MED13: variants seen among roughly 807,000 people sequenced by gnomAD.
MED13 encodes mediator complex subunit 13.
MED13 carries 23 observed loss-of-function variants against 225.2 expected under a neutral mutation model. The ratio of observed to expected loss-of-function variants is 0.10; its 90% CI spans 0.07 to 0.14. MED13 has a LOEUF of 0.14. Among genes scored for constraint, MED13 ranks in the 10% least tolerant of loss-of-function variants. The probability of loss-of-function intolerance (pLI) is 1.00; values close to 1 mark genes in which losing one functional copy is unlikely to be tolerated. For synonymous variants in MED13, 942 were observed against 889.2 expected (o/e 1.06, Z -1.06); for missense variants, 2,197 against 2,594.5 (o/e 0.85, Z 3.33).
At chr17:61,993,705 G>A (rs999969969) in intron 10 of MED13, among the ~76,000 whole-genome samples, 15 of 151,690 alleles carry the variant, frequency 9.9e-5, no homozygotes, top group African/African-American at 2.7e-4. Context: ...CGAGGCGGGC[G>A]GATCACTTGA....
chr17:62,052,059 G>A (rs1322597126), intron 3 of MED13, among the ~76,000 whole-genome samples: 3 of 151,974 alleles, frequency 2.0e-5, no homozygotes, highest in African/African-American at 7.3e-5. Flanking sequence ...AAGAGTAAAT[G>A]GTCTTATATA....
chr17:62,037,725 C>T (rs987711187), intron 3 of MED13, among the ~76,000 whole-genome samples: 9 of 149,298 alleles, frequency 6.0e-5, no homozygotes, highest in South Asian at 2.1e-4. Context: ...GAGGGCAAGG[C>T]AGGTGGATCG....
chr17:61,972,709 T>A lies in MED13; in HGVS notation c.3967+18A>T, dbSNP rs370588086. Reference sequence around the variant, plus strand: ...CTGATATAAAATTAGTCATTATATATCACTATAAATTACTTACCATAAGAG... The same window carrying A: ...CTGATATAAAATTAGTCATTATATAACACTATAAATTACTTACCATAAGAG... On this transcript the variant is annotated intron_variant, in intron 17 of 29. Coordinates refer to ENST00000397786, the MANE Select transcript of MED13 (RefSeq NM_005121.3). The A allele has an allele frequency of 9.5e-6, 15 of 1,584,748 alleles. No individual in the cohort carries two copies. The highest frequency in any genetic ancestry group is 3.8e-5 in the Admixed American group (2 of 52,484).
intron 29 of MED13, 138 bp downstream of exon 29, chr17:61,946,779 T>G (rs1476311299): frequency 9.3e-7 from 1 of 1,076,920 alleles, no homozygotes; most frequent in Non-Finnish European, 1.4e-6. Context: ...TTACTCAAGT[T>G]AGAATAGCAG....
chr17:61,991,429 T>C (rs770729420), intron 11 of MED13, among the ~76,000 whole-genome samples: 5 of 152,144 alleles, frequency 3.3e-5, no homozygotes, highest in African/African-American at 1.2e-4. Flanking sequence ...AACCTCTGCC[T>C]CCTGGGTTCA....
intron 17 of MED13, among the ~76,000 whole-genome samples, chr17:61,969,476 G>A (rs933662673): frequency 1.3e-5 from 2 of 151,990 alleles, no homozygotes; most frequent in African/African-American, 4.8e-5. Context: ...AGGAGTTTGA[G>A]GCCTAGGCAA....
At chr17:61,978,244 C>T (rs2080173519) in intron 16 of MED13, among the ~76,000 whole-genome samples, 1 of 150,938 alleles carries the variant, frequency 6.6e-6, no homozygotes, top group South Asian at 2.1e-4. Flanking sequence ...TCCAAAACTG[C>T]TTTTTATTTT....
rs1194958695 is a variant in MED13, at chr17:62,063,205, T to C, written c.163A>G (p.Ser55Gly). Residue 55 changes from serine to glycine, a missense_variant, in exon 2 of 30, where the codon AGC becomes GGC. By Grantham distance (56) the Ser-to-Gly change is moderately conservative. Transcript: ENST00000397786. ...FPVTEEDPIL[S>G]SFSRCLKADV... ...GCCTTAAGGCAGCGACTAAAACTGC[T>C]CAAAATGGGGTCTTCTTCTGTCACA... 30 of 1,613,996 alleles carry C rather than the reference T, an allele frequency of 1.9e-5. No homozygotes were observed. Among genetic ancestry groups the C allele is most frequent in the Admixed American group, 8.3e-5 (5 of 59,996 alleles).
At chr17:62,063,408 A>T (rs1445446442) in intron 1 of MED13, 107 bp from the exon 2 acceptor site, 2 of 711,494 alleles carry the variant, frequency 2.8e-6, no homozygotes, top group Admixed American at 5.7e-5. Flanking sequence ...TTTTCAATGT[A>T]TGCTTGAGAT....
At chr17:62,006,715 T>C (rs1311464325) in intron 9 of MED13, 2 of 150,540 alleles carry the variant, frequency 1.3e-5, no homozygotes, top group Non-Finnish European at 2.9e-5. Flanking sequence ...TCACTTGAGG[T>C]AAGGAGTTCG....
At chr17:62,041,144 C>T (rs2080849028) in intron 3 of MED13, among the ~76,000 whole-genome samples, 1 of 152,152 alleles carries the variant, frequency 6.6e-6, no homozygotes, top group African/African-American at 2.4e-5. Flanking sequence ...ATACCATTTA[C>T]AGATTAATAC....
intron 8 of MED13, among the ~76,000 whole-genome samples, chr17:62,012,817 C>T (rs1292896317): frequency 1.3e-5 from 2 of 150,262 alleles, no homozygotes; most frequent in Admixed American, 6.6e-5. Context: ...TTTTTGAGAC[C>T]GAGTCTCACT....
intron 3 of MED13, among the ~76,000 whole-genome samples, chr17:62,045,978 G>T (rs1271628035): frequency 6.6e-6 from 1 of 152,100 alleles, no homozygotes; most frequent in Admixed American, 6.6e-5. Flanking sequence ...AGATAAAAAG[G>T]TAAGCAATAT....
At chr17:62,003,772 A>T (rs941212130) in intron 9 of MED13, 12 of 152,288 alleles carry the variant, frequency 7.9e-5, no homozygotes, top group African/African-American at 2.9e-4. Flanking sequence ...GACAAGGAAT[A>T]GGCAAAGCAT....
chr17:62,029,897 C>G lies in MED13; in HGVS notation c.1126G>C (p.Val376Leu). 1 of 1,613,978 alleles carries G rather than the reference C, an allele frequency of 6.2e-7. No homozygotes were observed. Among genetic ancestry groups the G allele is most frequent in the Non-Finnish European group, 8.5e-7 (1 of 1,179,990 alleles). ...TTGCATTCTTGCCAAACTCTATCCA[C>G]CACATGATTTGCTAATTTTCTGGGT... ...KIPRKLANHV[V>L]DRVWQECNMN... is the part of the protein sequence containing the mutation. The change falls in exon 7 of 30, where the codon GTG becomes CTG. Residue 376 changes from valine to leucine, a missense_variant. Coordinates refer to ENST00000397786, the MANE Select transcript of MED13 (RefSeq NM_005121.3).
rs1207907549 is a variant in MED13 at position 61,943,381 on chromosome 17, A to T, written c.*3087T>A. 1 of 152,624 alleles carries T rather than the reference A, an allele frequency of 6.6e-6. No individual in the cohort carries two copies. The highest frequency in any genetic ancestry group is 6.5e-5 in the Admixed American group (1 of 15,280). 9.5% of individuals were successfully genotyped at this position (152,624 alleles called of 1,614,324 possible). A position where few individuals can be genotyped will look rare whatever the true frequency, so the allele number is the denominator to read the frequency against. ...ATGCAACATAGTATTCTGATATTAC[A>T]GTATTAACATAGTGCTTGATTAAAG... On this transcript the variant is annotated 3_prime_UTR_variant, in exon 30 of 30. Coordinates refer to ENST00000397786, the MANE Select transcript of MED13 (RefSeq NM_005121.3).
intron 10 of MED13, among the ~76,000 whole-genome samples, chr17:61,992,851 C>T (rs374489299): frequency 0.12 from 6,115 of 48,948 alleles, 446 homozygotes; most frequent in African/African-American, 0.33. Flanking sequence ...TCACTTGCAC[C>T]TCTGCCTCCT....
At chr17:61,986,546 ATC>A (rs769023374) in intron 12 of MED13, among the ~76,000 whole-genome samples, 15 of 152,206 alleles carry the variant, frequency 9.9e-5, no homozygotes, top group Non-Finnish European at 1.9e-4. Context: ...TATATCATGT[ATC>A]TGTCTTATAA....
chr17:62,035,734 A>G, intron 3 of MED13, 126 bp from the exon 4 acceptor site: 1 of 819,432 alleles, frequency 1.2e-6, no homozygotes, highest in South Asian at 2.0e-5. Context: ...ACTTCATCAG[A>G]AGAAAAAAAA....
Sources: allele counts gnomAD v4.1 joint callset (sites outside exome capture counted in the v4.1 genomes callset), GRCh38; gene constraint gnomAD v4.1.1; transcripts MANE v1.5; gene names NCBI Gene and HGNC (gene_info 2026-07-23, HGNC 2026-07-21).